The following TRAPPC8 variants were observed in gnomAD, a reference collection of about 807,000 sequenced individuals.
TRAPPC8 encodes the protein general sporulation gene 1 homolog.
TRAPPC8 carries 54 observed loss-of-function variants against 174.3 expected under a neutral mutation model. The ratio of observed to expected loss-of-function variants is 0.31; its 90% CI spans 0.25 to 0.39. The LOEUF (loss-of-function observed/expected upper bound fraction) is 0.39, where lower values mean the gene tolerates loss of function less well. Ranked by LOEUF, TRAPPC8 falls within the 10% of genes least tolerant of loss-of-function variation. TRAPPC8 has a pLI of 1.00. For missense variants in TRAPPC8, 1,531 were observed against 1,699.1 expected, an observed-to-expected ratio of 0.90 and a Z score of 1.74; for synonymous variants, 630 against 579.9, an observed-to-expected ratio of 1.09 and a Z score of -1.24.
At chr18:31,848,288 G>A (rs2033514270) in intron 25 of TRAPPC8, among the ~76,000 whole-genome samples, 2 of 151,222 alleles carry the variant, frequency 1.3e-5, no homozygotes, top group Non-Finnish European at 3.0e-5. Context: ...TAGGTTCAGG[G>A]CCATTTCTTA....
Sources: allele counts gnomAD v4.1 joint callset (sites outside exome capture counted in the v4.1 genomes callset), GRCh38; gene constraint gnomAD v4.1.1; transcripts MANE v1.5; gene names NCBI Gene and HGNC (gene_info 2026-07-23, HGNC 2026-07-21).